The following PIK3CB variants were observed in gnomAD, a reference collection of about 807,000 sequenced individuals.
PIK3CB encodes the protein phosphatidylinositol-4,5-bisphosphate 3-kinase catalytic subunit beta.
Under a neutral mutation model 136.8 loss-of-function variants are expected in PIK3CB, and 39 were observed. The observed-to-expected ratio is 0.29, with a 90% CI of 0.22 to 0.37. PIK3CB has a LOEUF of 0.37. PIK3CB is among the 10% of genes least tolerant of loss of function. PIK3CB has a pLI of 1.00. For missense variants in PIK3CB, 868 were observed against 1,275.4 expected (o/e 0.68, Z 4.87); for synonymous variants, 428 against 436.6 (o/e 0.98, Z 0.25).
At chr3:138,779,117 G>A (rs1268089345) in intron 2 of PIK3CB, among the ~76,000 whole-genome samples, 2 of 136,050 alleles carry the variant, frequency 1.5e-5, no homozygotes, top group South Asian at 2.2e-4. Context: ...ACGGAGTCTC[G>A]CTCTGTCGCC....
intron 8 of PIK3CB, among the ~76,000 whole-genome samples, chr3:138,715,718 C>A (rs1310112225): frequency 1.3e-5 from 2 of 151,390 alleles, no homozygotes; most frequent in Non-Finnish European, 2.9e-5. Context: ...CTGATGTAAT[C>A]AGCAATTTTA....
At chr3:138,762,661 A>G (rs2045678141) in intron 2 of PIK3CB, among the ~76,000 whole-genome samples, 1 of 152,170 alleles carries the variant, frequency 6.6e-6, no homozygotes, top group Non-Finnish European at 1.5e-5. Context: ...TAACTTATAA[A>G]GACCATACTT....
intron 5 of PIK3CB, among the ~76,000 whole-genome samples, chr3:138,741,421 T>C (rs1055340491): frequency 6.6e-6 from 1 of 152,264 alleles, no homozygotes; most frequent in African/African-American, 2.4e-5. Context: ...CCAGGAATTA[T>C]GCAGAATAAG....
At chr3:138,705,181 C>CAAAAAAAAAAAAAAAAA (rs1277322816) in intron 11 of PIK3CB, among the ~76,000 whole-genome samples, 1 of 58,528 alleles carries the variant, frequency 1.7e-5, no homozygotes. Context: ...AAACAAAAAA[C>CAAAAAAAAAAAAAAAAA]AAAACAAACA....
chr3:138,765,044 A>G (rs115743334), intron 2 of PIK3CB, among the ~76,000 whole-genome samples: 6,739 of 152,266 alleles, frequency 0.044, 488 homozygotes, highest in African/African-American at 0.15. Context: ...TGTAAGAAGG[A>G]GGCCGGGCAC....
At chr3:138,805,823 C>T (rs972929673) in intron 1 of PIK3CB, among the ~76,000 whole-genome samples, 35 of 151,640 alleles carry the variant, frequency 2.3e-4, no homozygotes, top group Non-Finnish European at 4.0e-4. Flanking sequence ...TCCCCATCCC[C>T]GGTCCAAGCG....
chr3:138,657,926 C>T lies in PIK3CB; in HGVS notation c.2797-91G>A. ...CTCCATAGTCCTAGACCCCCAGGAA[C>T]TATACCCATCCACATCTGAGCCCTT... is the stretch of plus-strand genomic sequence containing the variant. On this transcript the variant is annotated intron_variant, in intron 21 of 23. Transcript: ENST00000674063. 4 of 1,243,124 alleles carry T rather than the reference C, an allele frequency of 3.2e-6. No homozygotes were observed. In the South Asian group the frequency reaches 4.4e-5, roughly 14 times the overall value. The allele number at this position is 1,243,124 out of a possible 1,614,324, so 77.0% of individuals were successfully genotyped here.
chr3:138,798,712 A>C (rs542475575), intron 1 of PIK3CB, among the ~76,000 whole-genome samples: 40 of 152,142 alleles, frequency 2.6e-4, no homozygotes, highest in Non-Finnish European at 5.1e-4. Flanking sequence ...AATAGGGCCT[A>C]AATACTATCA....
chr3:138,778,458 A>C (rs1309586295), intron 2 of PIK3CB: 1 of 242,462 alleles, frequency 4.1e-6, no homozygotes, highest in African/African-American at 2.3e-5. Context: ...GGTGCTGCCA[A>C]AGCTGTGGGC....
At chr3:138,714,033 C>T (rs1396205523) in intron 9 of PIK3CB, among the ~76,000 whole-genome samples, 1 of 152,178 alleles carries the variant, frequency 6.6e-6, no homozygotes, top group African/African-American at 2.4e-5. Flanking sequence ...ATGCCCCAGA[C>T]CCCACAAGAT....
intron 14 of PIK3CB, 52 bp downstream of exon 14, chr3:138,694,734 A>G: frequency 1.3e-6 from 2 of 1,594,368 alleles, no homozygotes; most frequent in Non-Finnish European, 1.7e-6. Flanking sequence ...CCCTCATCCC[A>G]AACCCACCCA....
chr3:138,820,280 C>T (rs1208252388), intron 1 of PIK3CB, among the ~76,000 whole-genome samples: 2 of 152,190 alleles, frequency 1.3e-5, no homozygotes, highest in Non-Finnish European at 2.9e-5. Context: ...AGATGAGAAA[C>T]ACTGACCTAC....
At chr3:138,770,925 T>C (rs2045791343) in intron 2 of PIK3CB, among the ~76,000 whole-genome samples, 2 of 152,088 alleles carry the variant, frequency 1.3e-5, no homozygotes, top group African/African-American at 4.8e-5. Context: ...TTGGCCAGGC[T>C]AGTCTTGAAC....
intron 8 of PIK3CB, among the ~76,000 whole-genome samples, chr3:138,730,429 T>C (rs191029430): frequency 6.6e-6 from 1 of 152,242 alleles, no homozygotes; most frequent in Admixed American, 6.5e-5. Flanking sequence ...ATACCAACCA[T>C]AAACAAATCA....
intron 4 of PIK3CB, among the ~76,000 whole-genome samples, chr3:138,751,110 T>G (rs2045462749): frequency 6.6e-6 from 1 of 152,206 alleles, no homozygotes; most frequent in Admixed American, 6.6e-5. Flanking sequence ...AGCATATTCA[T>G]TTTAAGAAAC....
intron 8 of PIK3CB, among the ~76,000 whole-genome samples, chr3:138,732,231 ATAT>A (rs749546448): frequency 3.3e-5 from 5 of 152,132 alleles, no homozygotes; most frequent in African/African-American, 4.8e-5. Flanking sequence ...CCTGTATACA[ATAT>A]TATTAACTAT....
At chr3:138,671,927 GGAGA>G (rs1320757320) in intron 19 of PIK3CB, among the ~76,000 whole-genome samples, 3 of 152,200 alleles carry the variant, frequency 2.0e-5, no homozygotes, top group Admixed American at 2.0e-4. Flanking sequence ...AAGAAAAAGT[GGAGA>G]GAAAGGGGAA....
At chr3:138,663,791 CAA>C in intron 21 of PIK3CB, 113 bp downstream of exon 21, 1 of 1,016,466 alleles carries the variant, frequency 9.8e-7, no homozygotes, top group Non-Finnish European at 1.5e-6. Flanking sequence ...GAAGTAAAGA[CAA>C]AGATATGACA....
intron 2 of PIK3CB, chr3:138,770,222 T>C (rs1323024927): frequency 2.0e-5 from 3 of 152,156 alleles, no homozygotes; most frequent in Non-Finnish European, 2.9e-5. Context: ...CCTTTAACTG[T>C]AACTATAACC....
Sources: gnomAD v4.1 joint callset for allele counts (sites outside exome capture counted in the v4.1 genomes callset) on GRCh38, gnomAD v4.1.1 for gene constraint, MANE v1.5 for transcripts, NCBI Gene and HGNC (gene_info 2026-07-23, HGNC 2026-07-21) for gene names.